LAG3: variants seen among roughly 807,000 people sequenced by gnomAD.
The protein encoded by LAG3 is lymphocyte activation gene 3 protein.
In LAG3, 29 loss-of-function variants were observed where a neutral mutation model predicts 49.0. That is an observed-to-expected ratio of 0.59 (90% CI 0.44 to 0.81). LAG3 has a LOEUF of 0.81. Ranked by LOEUF, LAG3 falls within the 30% of genes least tolerant of loss-of-function variation. The probability of loss-of-function intolerance (pLI) is 0.00; values close to 1 mark genes in which losing one functional copy is unlikely to be tolerated. For synonymous variants in LAG3, 320 were observed against 297.3 expected, an observed-to-expected ratio of 1.08 and a Z score of -0.79; for missense variants, 693 against 695.2, an observed-to-expected ratio of 1.00 and a Z score of 0.04.
At chr12:6,778,130 G>C (rs962488366) in intron 7 of LAG3, 114 bp from the exon 8 acceptor site, 1 of 1,295,832 alleles carries the variant, frequency 7.7e-7, no homozygotes, top group Non-Finnish European at 1.1e-6. Context: ...GGACCAGATG[G>C]GGAGGGCAGG....
At position 6,772,787 on chromosome 12, in the gene LAG3, C is replaced by CCCCCCCCCCCCTT; in HGVS notation, c.-65_-64insCCCCCCCCCCTTC. On this transcript the variant is annotated 5_prime_UTR_variant, in exon 1 of 8. Coordinates refer to ENST00000203629, the MANE Select transcript of LAG3 (RefSeq NM_002286.6). ...CTTCTCCTTTACCCCCCACCCCCCA[C>CCCCCCCCCCCCTT]CACTGCCCCCTTTCCTTTTCTGACC... 8.2e-7 allele frequency: 1 copy of CCCCCCCCCCCCTT among 1,218,982 alleles called. No individual in the cohort carries two copies. The highest frequency in any genetic ancestry group is 1.3e-5 in the South Asian group (1 of 76,344). 75.5% of individuals were successfully genotyped at this position (1,218,982 alleles called of 1,614,324 possible).
At position 6,772,740 on chromosome 12, in the gene LAG3, C is replaced by T. The variant is rs1232542349; in HGVS notation, c.-113C>T. On this transcript the variant is annotated 5_prime_UTR_variant, in exon 1 of 8. Transcript: ENST00000203629. The stretch of plus-strand genomic sequence containing the variant: ...GTCTCCCTTCTTCTAGAACCCCTTC[C>T]TCCACCTCCCTCTCTGCAGAACTTC... 3 of 852,670 alleles carry T rather than the reference C, an allele frequency of 3.5e-6. No individual in the cohort carries two copies. The highest frequency in any genetic ancestry group is 5.6e-6 in the Non-Finnish European group (3 of 534,804). The allele number at this position is 852,670 out of a possible 1,614,324, so 52.8% of individuals were successfully genotyped here.
In LAG3 at chr12:6,778,339, G is replaced by GACGGAGCCGGAA. The variant is rs751676231; in HGVS notation, c.1527_1528insACGGAGCCGGAA (p.Glu509_Pro510insThrGluProGlu). 1.2e-6 allele frequency: 2 copies of GACGGAGCCGGAA among 1,612,948 alleles called. No homozygotes were observed. The highest frequency in any genetic ancestry group is 2.7e-5 in the African/African-American group (2 of 74,866). ...AGCTGGAGCAAGAACCGGAGCCGGA[G>GACGGAGCCGGAA]CCGGAGCCGGAACCGGAGCCCGAGC... On this transcript the variant is annotated inframe_insertion, in exon 8 of 8. Coordinates refer to ENST00000203629, the MANE Select transcript of LAG3 (RefSeq NM_002286.6).
At chr12:6,777,645 A>T in intron 6 of LAG3, 139 bp downstream of exon 6, 1 of 1,456,334 alleles carries the variant, frequency 6.9e-7, no homozygotes, top group Non-Finnish European at 9.3e-7. Flanking sequence ...CCTAGGGTTG[A>T]CCCGTTTCCG....
At chr12:6,775,582 C>T (rs912982711) in intron 5 of LAG3, 34 bp downstream of exon 5, 1 of 1,607,570 alleles carries the variant, frequency 6.2e-7, no homozygotes, top group Non-Finnish European at 8.5e-7. Flanking sequence ...TAGCTGCCCT[C>T]CCAGGGTAGA....
chr12:6,773,691 G>T lies in LAG3; in HGVS notation c.207-6G>T, dbSNP rs746546051. ...GCTTCTCAACTCCATTCTCTTTCCC[G>T]CCCAGTGGCCCGCCCGCTGCCGCCC... On this transcript the variant is annotated splice_polypyrimidine_tract_variant and splice_region_variant and intron_variant, in intron 2 of 7. Transcript: ENST00000203629. This position sits in a 1 kb window ranked among gnomAD's most constrained non-coding sequence, Gnocchi z 5.5. 1.8e-5 allele frequency: 24 copies of T among 1,353,304 alleles called. No homozygotes were observed. Among genetic ancestry groups the T allele is most frequent in the East Asian group, 8.7e-5 (3 of 34,296 alleles). 83.8% of individuals were successfully genotyped at this position (1,353,304 alleles called of 1,614,324 possible).
rs753058751 is a variant in LAG3 at position 6,774,880 on chromosome 12, T to A, written c.781+16T>A. 6.9e-6 allele frequency: 11 copies of A among 1,600,992 alleles called. No homozygotes were observed. Among genetic ancestry groups the A allele is most frequent in the Non-Finnish European group, 7.7e-6 (9 of 1,170,534 alleles). On this transcript the variant is annotated intron_variant, in intron 4 of 7. Transcript: ENST00000203629. ...ACTGTTCTGGGTAACTCCCCCACTCTGCTTCACATTTGACCACAACTCCTT... is the reference window on the plus strand; with the variant it reads ...ACTGTTCTGGGTAACTCCCCCACTCAGCTTCACATTTGACCACAACTCCTT...
intron 5 of LAG3, 52 bp from the exon 6 acceptor site, chr12:6,777,212 T>A (rs1941916098): frequency 6.2e-7 from 1 of 1,606,988 alleles, no homozygotes; most frequent in Admixed American, 1.7e-5. Context: ...ACCTGTGATA[T>A]CACGTAAGGG....
At chr12:6,778,171 T>C in intron 7 of LAG3, 73 bp from the exon 8 acceptor site, 1 of 1,431,508 alleles carries the variant, frequency 7.0e-7, no homozygotes, top group Non-Finnish European at 9.6e-7. Context: ...GGACTCAGTG[T>C]CCCTCCTCAT....
At position 6,775,526 on chromosome 12, in the gene LAG3, T is replaced by C. The variant is rs1941898164; in HGVS notation, c.1035T>C (p.Thr345=). ...TGCAGGAACAGCAGCTCAATGCCACTGTCACATTGGCAATCATCACAGGTC... is the reference window on the plus strand; with the variant it reads ...TGCAGGAACAGCAGCTCAATGCCACCGTCACATTGGCAATCATCACAGGTC... ...IHLQEQQLNA[T]VTLAIITVTP... Residue 345 remains threonine, a synonymous_variant, in exon 5 of 8, where the codon ACT becomes ACC. Coordinates refer to ENST00000203629, the MANE Select transcript of LAG3 (RefSeq NM_002286.6). 5.6e-6 allele frequency: 9 copies of C among 1,614,190 alleles called. No homozygotes were observed. Among genetic ancestry groups the C allele is most frequent in the Non-Finnish European group, 7.6e-6 (9 of 1,180,034 alleles).
At chr12:6,775,592 A>G (rs1941898979) in intron 5 of LAG3, 44 bp downstream of exon 5, 1 of 1,600,186 alleles carries the variant, frequency 6.2e-7, no homozygotes, top group East Asian at 2.2e-5. Context: ...CCCAGGGTAG[A>G]AAGGACAGGG....
Position 6,778,251 on chromosome 12 carries a change from C to G in LAG3, c.1439C>G (p.Pro480Arg), listed in dbSNP as rs371267289. The G allele has an allele frequency of 1.3e-6, 2 of 1,591,156 alleles. No homozygotes were observed. Among genetic ancestry groups the G allele is most frequent in the African/African-American group, 2.7e-5 (2 of 74,134 alleles). Residue 480 changes from proline (P) to arginine (R), a missense_variant, in exon 8 of 8, where the codon CCA becomes CGA. Transcript: ENST00000203629. ...CTCCATCTCTTCTCACAGTGGCGAC[C>G]AAGACGATTTTCTGCCTTAGAGCAA... is the stretch of plus-strand genomic sequence containing the variant. ...GFHLWRRQWR[P>R]RRFSALEQGI...
At position 6,775,414 on chromosome 12, in the gene LAG3, T is replaced by C. The variant is rs1464823616; in HGVS notation, c.923T>C (p.Leu308Pro). The change falls in exon 5 of 8, where the codon CTG becomes CCG. Residue 308 changes from leucine (L) to proline (P), a missense_variant. By Grantham distance (98) the Leu-to-Pro change is moderately conservative (BLOSUM62 -3). Transcript: ENST00000203629. ...CCTCCTGGGGGAGGCCCTGACCTCC[T>C]GGTGACTGGAGACAATGGCGACTTT... ...WTPPGGGPDL[L>P]VTGDNGDFTL... is the part of the protein sequence containing the mutation. The C allele has an allele frequency of 8.1e-6, 13 of 1,614,238 alleles. No individual in the cohort carries two copies. Among genetic ancestry groups the C allele is most frequent in the East Asian group, 4.5e-5 (2 of 44,884 alleles).
chr12:6,775,892 CA>C lies in LAG3; in HGVS notation c.1057+345del, dbSNP rs982724122. On this transcript the variant is annotated intron_variant, in intron 5 of 7. Transcript: ENST00000203629. ...ATTTCTAGAATCCTTGTCTACTTTG[CA>C]GCCAGGGCTTGGGTTAGAGTTGCAG... Among the ~76,000 whole-genome samples the C allele has an allele frequency of 2.7e-4, 41 of 152,320 alleles. 1 individual carries two copies. The highest frequency in any genetic ancestry group is 2.7e-3 in the Admixed American group (41 of 15,306).
In LAG3 at chr12:6,777,481, G is replaced by A. The variant is rs776042853; in HGVS notation, c.1275G>A (p.Val425=). The A allele has an allele frequency of 6.2e-7, 1 of 1,614,040 alleles. No homozygotes were observed. The highest frequency in any genetic ancestry group is 8.5e-7 in the Non-Finnish European group (1 of 1,180,016). The change falls in exon 6 of 8, where the codon GTG becomes GTA. Residue 425 remains valine, a synonymous_variant. Transcript: ENST00000203629. Reference sequence around the variant, plus strand: ...GGGAGAGGCTTCTTGGAGCAGCAGTGTACTTCACAGAGCTGTCTAGCCCAG... The same window carrying A: ...GGGAGAGGCTTCTTGGAGCAGCAGTATACTTCACAGAGCTGTCTAGCCCAG... The part of the protein sequence containing the change: ...YQGERLLGAA[V]YFTELSSPGA...
chr12:6,776,739 T>C (rs1352177163), intron 5 of LAG3, among the ~76,000 whole-genome samples: 1 of 152,244 alleles, frequency 6.6e-6, no homozygotes, highest in African/African-American at 2.4e-5. Flanking sequence ...AGCCGCATCA[T>C]GGAAGTTCCA....
chr12:6,773,554 A>G lies in LAG3; in HGVS notation c.207-143A>G. On this transcript the variant is annotated intron_variant, in intron 2 of 7. Transcript: ENST00000203629. This position sits in a 1 kb window ranked among gnomAD's most constrained non-coding sequence, Gnocchi z 5.5. ...TCCAGAAGTGGATGCGGCCAGTCCA[A>G]CAGAGGGGTCGGGCGTGAGGGGACG... The G allele has an allele frequency of 8.7e-7, 1 of 1,149,904 alleles. No homozygotes were observed. The highest frequency in any genetic ancestry group is 1.9e-5 in the South Asian group (1 of 52,966). 71.2% of individuals were successfully genotyped at this position (1,149,904 alleles called of 1,614,324 possible). A position where few individuals can be genotyped will look rare whatever the true frequency, so the allele number is the denominator to read the frequency against.
At position 6,772,919 on chromosome 12, in the gene LAG3, G is replaced by C. The variant is rs769313848; in HGVS notation, c.58+9G>C. 12 of 1,613,802 alleles carry C rather than the reference G, an allele frequency of 7.4e-6. No homozygotes were observed. The highest frequency in any genetic ancestry group is 6.7e-5 in the Admixed American group (4 of 59,998). On this transcript the variant is annotated intron_variant, in intron 1 of 7. Coordinates refer to ENST00000203629, the MANE Select transcript of LAG3 (RefSeq NM_002286.6). ...GCTTTGGGTGGCTCCAGGTAAAACG[G>C]GGATGGCGGGAGGGTTGACCTCCAG...
rs1178149875 is a variant in LAG3 at position 6,773,700 on chromosome 12, C to CCCGCCCGCTG, written c.217_226dup (p.Pro76ArgfsTer52). ...CTCCATTCTCTTTCCCGCCCAGTGG[C>CCCGCCCGCTG]CCGCCCGCTGCCGCCCCCGGCCATC... On this transcript the variant is annotated frameshift_variant, in exon 3 of 8. Transcript: ENST00000203629. LOFTEE classifies it high-confidence loss of function. This position sits in a 1 kb window ranked among gnomAD's most constrained non-coding sequence, Gnocchi z 5.5. The CCCGCCCGCTG allele has an allele frequency of 7.4e-7, 1 of 1,356,822 alleles. No homozygotes were observed. Among genetic ancestry groups the CCCGCCCGCTG allele is most frequent in the African/African-American group, 1.5e-5 (1 of 66,136 alleles). The allele number at this position is 1,356,822 out of a possible 1,614,324, so 84.0% of individuals were successfully genotyped here. A position where few individuals can be genotyped will look rare whatever the true frequency, so the allele number is the denominator to read the frequency against.
Sources: gnomAD v4.1 joint callset for allele counts (sites outside exome capture counted in the v4.1 genomes callset) on GRCh38, gnomAD v4.1.1 for gene constraint, Gnocchi (gnomAD v3.1) non-coding constraint, MANE v1.5 for transcripts, NCBI Gene and HGNC (gene_info 2026-07-23, HGNC 2026-07-21) for gene names.